The following ASMTL variants were observed in gnomAD, a reference collection of about 807,000 sequenced individuals.
ASMTL encodes the protein probable bifunctional dTTP/UTP pyrophosphatase/methyltransferase protein.
ASMTL carries 57 observed loss-of-function variants against 60.3 expected under a neutral mutation model. That is an observed-to-expected ratio of 0.95 (90% confidence interval 0.76 to 1.18). The LOEUF (loss-of-function observed/expected upper bound fraction) is 1.18. Among genes scored for constraint, ASMTL ranks in the 50% most tolerant of loss-of-function variants. The pLI is 0.00. For synonymous variants in ASMTL, 419 were observed against 373.0 expected (o/e 1.12, Z -1.42); for missense variants, 981 against 852.6 (o/e 1.15, Z -1.88).
intron 11 of ASMTL, among the ~76,000 whole-genome samples, chrX:1,414,261 T>G (rs2090153512): frequency 2.0e-5 from 3 of 152,086 alleles, no homozygotes; most frequent in Non-Finnish European, 4.4e-5. Flanking sequence ...TGAGATGCCT[T>G]GATCTCAGAC....
chrX:1,452,986 C>A (rs1251287274), upstream of ASMTL: 1 of 616,124 alleles, frequency 1.6e-6, no homozygotes, highest in Non-Finnish European at 2.7e-6. Flanking sequence ...ACGCCCAGTC[C>A]GCGCCTTCAG....
chrX:1,430,998 T>TA lies in ASMTL; in HGVS notation c.509+1270_509+1271insT, dbSNP rs1361229189. 2.5e-3 allele frequency among the ~76,000 whole-genome samples: 326 copies of TA among 128,450 alleles called. 3 individuals are homozygous for TA. Among genetic ancestry groups the TA allele is most frequent in the African/African-American group, 0.011 (303 of 27,934 alleles). 84.3% of individuals were successfully genotyped at this position (128,450 alleles called of 152,430 possible). On this transcript the variant is annotated intron_variant, in intron 6 of 12. Transcript: ENST00000381317. ...AATTTACATATAATCACACTTTATA[T>TA]TATTATGTAATATGTATTAATATGC... is the stretch of plus-strand genomic sequence containing the variant.
intron 2 of ASMTL, 36 bp downstream of exon 2, chrX:1,442,150 A>C: frequency 6.2e-7 from 1 of 1,605,834 alleles, no homozygotes; most frequent in Non-Finnish European, 8.5e-7. Flanking sequence ...ACAGCAAAGG[A>C]ATTTTCATAA....
chrX:1,417,330 CAT>C (rs1171539182), intron 11 of ASMTL, among the ~76,000 whole-genome samples: 3 of 151,704 alleles, frequency 2.0e-5, no homozygotes, highest in African/African-American at 7.3e-5. Context: ...GACATGCACA[CAT>C]ATATCCACAC....
At position 1,428,101 on chromosome X, in the gene ASMTL, C is replaced by A; in HGVS notation, c.530G>T (p.Gly177Val). 6.2e-7 allele frequency: 1 copy of A among 1,605,520 alleles called. No homozygotes were observed. The highest frequency in any genetic ancestry group is 1.3e-5 in the African/African-American group (1 of 74,906). The part of the protein sequence containing the change: ...GEPMDKAGGY[G>V]IQALGGMLVE... ...CAGCATGCCGCCCAGGGCCTGGATC[C>A]CGTAGCCGCCAGCTTTGTCCCTGGG... The change falls in exon 7 of 13, where the codon GGG (glycine) becomes GTG (valine). Residue 177 changes from glycine to valine, a missense_variant. Transcript: ENST00000381317.
chrX:1,403,270 C>T lies in ASMTL; in HGVS notation c.1865G>A (p.Ter622=). The T allele has an allele frequency of 6.2e-7, 1 of 1,612,420 alleles. No individual in the cohort carries two copies. The highest frequency in any genetic ancestry group is 8.5e-7 in the Non-Finnish European group (1 of 1,179,644). ...TATAATGAACATGCTGCCTGGGCTT[C>T]AGGGGGCCACTTTGGTGGCCAAGAT... is the stretch of plus-strand genomic sequence containing the variant. ...DAILATKVAP[*] is the part of the protein sequence containing the mutation. Residue 622 remains the stop codon, a stop_retained_variant, in exon 13 of 13, where the codon TGA becomes TAA. Coordinates refer to ENST00000381317, the MANE Select transcript of ASMTL (RefSeq NM_004192.4).
At position 1,403,776 on chromosome X, in the gene ASMTL, G is replaced by A. The variant is rs190449018; in HGVS notation, c.1646-287C>T. ...ATGCATGGATGAACAGATGGTAGATGATGGGTGGGTAGGTAGGTAGAAAGA... is the reference window on the plus strand; with the variant it reads ...ATGCATGGATGAACAGATGGTAGATAATGGGTGGGTAGGTAGGTAGAAAGA... On this transcript the variant is annotated intron_variant, in intron 12 of 12. Transcript: ENST00000381317. Among the ~76,000 whole-genome samples the A allele has an allele frequency of 4.8e-3, 729 of 152,314 alleles. 5 individuals are homozygous for A. The highest frequency in any genetic ancestry group is 0.017 in the African/African-American group (692 of 41,562).
chrX:1,426,670 T>G (rs183487118), intron 7 of ASMTL, among the ~76,000 whole-genome samples: 2 of 152,078 alleles, frequency 1.3e-5, no homozygotes, highest in Non-Finnish European at 2.9e-5. Flanking sequence ...CTGGCCAACA[T>G]AGCGAAACCC....
At chrX:1,414,761 A>C (rs1359452425) in intron 11 of ASMTL, among the ~76,000 whole-genome samples, 1 of 152,032 alleles carries the variant, frequency 6.6e-6, no homozygotes, top group Non-Finnish European at 1.5e-5. Context: ...AATCAGAAGC[A>C]CAGCTATCAT....
At chrX:1,422,372 C>T (rs1404393243) in intron 8 of ASMTL, among the ~76,000 whole-genome samples, 1 of 152,212 alleles carries the variant, frequency 6.6e-6, no homozygotes, top group Non-Finnish European at 1.5e-5. Context: ...CCTGCCTGAG[C>T]TTCCAGCCTC....
intron 11 of ASMTL, among the ~76,000 whole-genome samples, chrX:1,415,214 T>TCCAGGCGTTAGCCTGGGCATGTGGC (rs747715910): frequency 6.6e-6 from 1 of 151,808 alleles, no homozygotes; most frequent in South Asian, 2.1e-4. Flanking sequence ...GGGCTGGGAT[T>TCCAGGCGTTAGCCTGGGCATGTGGC]CCAGGCGTCT....
In ASMTL at chrX:1,440,662, G is replaced by A. The variant is rs1366794812; in HGVS notation, c.226-1518C>T. On this transcript the variant is annotated intron_variant, in intron 2 of 12. Transcript: ENST00000381317. ...ATAATAGTGTATTACGGTGGGGTGCGGTGGCTCACGCCTGTAATCCCAACA... is the reference window on the plus strand; with the variant it reads ...ATAATAGTGTATTACGGTGGGGTGCAGTGGCTCACGCCTGTAATCCCAACA... Among the ~76,000 whole-genome samples, 4 of 152,092 alleles carry A rather than the reference G, an allele frequency of 2.6e-5. No individual in the cohort carries two copies. The South Asian group carries it at 6.2e-4, about 24-fold the overall frequency.
intron 1 of ASMTL, among the ~76,000 whole-genome samples, chrX:1,443,409 C>A (rs2091160850): frequency 7.8e-6 from 1 of 127,592 alleles, no homozygotes; most frequent in Non-Finnish European, 1.7e-5. Context: ...GGACACACGC[C>A]GCCATCTTGG....
intron 1 of ASMTL, among the ~76,000 whole-genome samples, chrX:1,452,268 C>T (rs1352444141): frequency 2.0e-5 from 3 of 149,368 alleles, no homozygotes; most frequent in Non-Finnish European, 4.5e-5. Flanking sequence ...GGGTTACTCC[C>T]CCACCCCCAT....
intron 4 of ASMTL, 65 bp from the exon 5 acceptor site, chrX:1,435,148 T>C: frequency 6.4e-7 from 1 of 1,570,918 alleles, no homozygotes; most frequent in Non-Finnish European, 8.8e-7. Context: ...AAAGCGAGTT[T>C]CTCAAAACCA....
intron 3 of ASMTL, among the ~76,000 whole-genome samples, chrX:1,437,620 G>A (rs1181271443): frequency 3.9e-5 from 6 of 152,174 alleles, no homozygotes; most frequent in South Asian, 2.1e-4. Flanking sequence ...GACATGGGCC[G>A]GGCGTGGTGG....
chrX:1,439,458 C>A (rs1199407982), intron 2 of ASMTL, among the ~76,000 whole-genome samples: 1 of 152,146 alleles, frequency 6.6e-6, no homozygotes, highest in African/African-American at 2.4e-5. Flanking sequence ...TTCTTCCGGG[C>A]GGCAGGTAAG....
At chrX:1,424,656 C>T (rs1356919094) in intron 8 of ASMTL, among the ~76,000 whole-genome samples, 1 of 150,494 alleles carries the variant, frequency 6.6e-6, no homozygotes, top group Non-Finnish European at 1.5e-5. Context: ...ACTCATCCAC[C>T]GATTCATCGA....
At chrX:1,439,323 G>A (rs1289410925) in intron 2 of ASMTL, 179 bp from the exon 3 acceptor site, 9 of 161,614 alleles carry the variant, frequency 5.6e-5, no homozygotes, top group South Asian at 2.0e-4. Context: ...GCCGGTGGTC[G>A]CCCTGCAGGG....
Sources: gnomAD v4.1 joint callset for allele counts (sites outside exome capture counted in the v4.1 genomes callset) on GRCh38, gnomAD v4.1.1 for gene constraint, MANE v1.5 for transcripts, NCBI Gene and HGNC (gene_info 2026-07-23, HGNC 2026-07-21) for gene names.